ATP8A2: variants seen among roughly 807,000 people sequenced by gnomAD.
The protein encoded by ATP8A2 is phospholipid-transporting ATPase IB.
Under a neutral mutation model 165.6 loss-of-function variants are expected in ATP8A2, and 100 were observed. The ratio of observed to expected loss-of-function variants is 0.60; its 90% CI spans 0.51 to 0.71. The LOEUF is 0.71. ATP8A2 is among the 30% of genes least tolerant of loss of function. The pLI is 0.00. For missense variants in ATP8A2, 1,227 were observed against 1,479.5 expected, an observed-to-expected ratio of 0.83 and a Z score of 2.80; for synonymous variants, 543 against 548.8, an observed-to-expected ratio of 0.99 and a Z score of 0.15.
chr13:25,870,635 C>T (rs1952648454), intron 33 of ATP8A2, among the ~76,000 whole-genome samples: 1 of 152,234 alleles, frequency 6.6e-6, no homozygotes, highest in African/African-American at 2.4e-5. Context: ...GGATCAGTCT[C>T]TTGACCAGGC....
intron 1 of ATP8A2, among the ~76,000 whole-genome samples, chr13:25,422,263 G>T (rs1263955789): frequency 6.6e-6 from 1 of 152,180 alleles, no homozygotes; most frequent in Non-Finnish European, 1.5e-5. Context: ...ATTGATCTTA[G>T]TAATATATTT....
intron 16 of ATP8A2, among the ~76,000 whole-genome samples, chr13:25,568,227 C>T (rs571676873): frequency 6.6e-6 from 1 of 152,296 alleles, no homozygotes; most frequent in African/African-American, 2.4e-5. Flanking sequence ...ATGCAACCCC[C>T]TGCTTACATT....
intron 30 of ATP8A2, among the ~76,000 whole-genome samples, chr13:25,840,397 C>T (rs1951724669): frequency 6.6e-6 from 1 of 152,172 alleles, no homozygotes; most frequent in South Asian, 2.1e-4. Context: ...GTCTTTGTTT[C>T]TGTGTCAGTG....
intron 1 of ATP8A2, among the ~76,000 whole-genome samples, chr13:25,439,157 C>T (rs2034861265): frequency 1.3e-5 from 2 of 152,308 alleles, no homozygotes; most frequent in African/African-American, 2.4e-5. Flanking sequence ...GAAAACGTAG[C>T]GACAGCCTGC....
chr13:25,511,251 A>G (rs1377251804), intron 2 of ATP8A2, among the ~76,000 whole-genome samples: 1 of 151,958 alleles, frequency 6.6e-6, no homozygotes, highest in Admixed American at 6.6e-5. Flanking sequence ...TTTAATTTTT[A>G]TCTTTTCCAT....
intron 24 of ATP8A2, among the ~76,000 whole-genome samples, chr13:25,591,873 G>A (rs2040090300): frequency 6.6e-6 from 1 of 152,158 alleles, no homozygotes; most frequent in African/African-American, 2.4e-5. Context: ...TTGAGATCCT[G>A]CTTCTAATTT....
intron 33 of ATP8A2, among the ~76,000 whole-genome samples, chr13:25,883,944 A>G (rs1469293465): frequency 1.3e-5 from 2 of 152,186 alleles, no homozygotes; most frequent in East Asian, 3.9e-4. Context: ...GCTGAGAATG[A>G]CAGGAAGCAG....
In ATP8A2 at chr13:25,802,742, T is replaced by C. The variant is rs150781195; in HGVS notation, c.2680-25376T>C. ...AAAAGTCAACCTCCCACCTAACACGTTGAAACTCCTGTGGTTGTGAAAGAA... is the reference window on the plus strand; with the variant it reads ...AAAAGTCAACCTCCCACCTAACACGCTGAAACTCCTGTGGTTGTGAAAGAA... On this transcript the variant is annotated intron_variant, in intron 27 of 36. Coordinates refer to ENST00000381655, the MANE Select transcript of ATP8A2 (RefSeq NM_016529.6). Among the ~76,000 whole-genome samples, 23 of 152,222 alleles carry C rather than the reference T, an allele frequency of 1.5e-4. No homozygotes were observed. In the East Asian group the frequency reaches 2.9e-3, roughly 19 times the overall value.
intron 1 of ATP8A2, among the ~76,000 whole-genome samples, chr13:25,374,801 G>T (rs1417294752): frequency 6.6e-6 from 1 of 152,092 alleles, no homozygotes; most frequent in East Asian, 1.9e-4. Context: ...GGAAACAGGG[G>T]CAGAGGGCCT....
intron 27 of ATP8A2, among the ~76,000 whole-genome samples, chr13:25,818,898 G>T (rs1369860251): frequency 6.6e-6 from 1 of 152,180 alleles, no homozygotes; most frequent in Non-Finnish European, 1.5e-5. Context: ...ACAGAATGTG[G>T]CAAGCTCGAA....
At chr13:25,487,148 A>G (rs907180984) in intron 2 of ATP8A2, among the ~76,000 whole-genome samples, 5 of 152,086 alleles carry the variant, frequency 3.3e-5, no homozygotes, top group Admixed American at 6.5e-5. Flanking sequence ...CTCAAATACA[A>G]TTTTGCGGAG....
At chr13:25,970,367 T>C (rs892589304) in intron 35 of ATP8A2, among the ~76,000 whole-genome samples, 4 of 152,210 alleles carry the variant, frequency 2.6e-5, no homozygotes, top group African/African-American at 4.8e-5. Context: ...ATGTTGGAGA[T>C]GGATGAACAA....
intron 1 of ATP8A2, among the ~76,000 whole-genome samples, chr13:25,383,008 G>A (rs1304224980): frequency 1.3e-5 from 2 of 150,598 alleles, no homozygotes; most frequent in African/African-American, 4.9e-5. Context: ...GCCCACCTTG[G>A]CCTCCCAAAG....
In ATP8A2 at chr13:25,471,348, G is replaced by A. The variant is rs533037918; in HGVS notation, c.221+2227G>A. Among the ~76,000 whole-genome samples the A allele has an allele frequency of 5.1e-4, 77 of 150,052 alleles. 1 individual carries two copies. In the South Asian group the frequency reaches 0.016, roughly 31 times the overall value. Reference sequence around the variant, plus strand: ...CTAAATTCTTTTGTTTTAATGGAAGGTAAAGTTTTTTTTTTTTTTGGAGAT... The same window carrying A: ...CTAAATTCTTTTGTTTTAATGGAAGATAAAGTTTTTTTTTTTTTTGGAGAT... On this transcript the variant is annotated intron_variant, in intron 2 of 36. Coordinates refer to ENST00000381655, the MANE Select transcript of ATP8A2 (RefSeq NM_016529.6).
intron 24 of ATP8A2, among the ~76,000 whole-genome samples, chr13:25,629,423 T>C (rs1461533673): frequency 6.6e-6 from 1 of 152,170 alleles, no homozygotes; most frequent in Non-Finnish European, 1.5e-5. Context: ...AATTAATGAT[T>C]TTCCTTTTAA....
chr13:25,388,348 C>T (rs1225465981), intron 1 of ATP8A2, among the ~76,000 whole-genome samples: 3 of 152,262 alleles, frequency 2.0e-5, no homozygotes, highest in African/African-American at 4.8e-5. Context: ...GACAAAACCC[C>T]TCAGACACTG....
intron 30 of ATP8A2, among the ~76,000 whole-genome samples, chr13:25,854,372 G>C (rs1181926672): frequency 1.3e-5 from 2 of 152,162 alleles, no homozygotes; most frequent in Non-Finnish European, 2.9e-5. Context: ...GTCTTGCTCT[G>C]TCACCCAGGC....
At chr13:25,768,103 G>C (rs2044534750) in intron 25 of ATP8A2, among the ~76,000 whole-genome samples, 2 of 150,942 alleles carry the variant, frequency 1.3e-5, no homozygotes, top group Non-Finnish European at 2.9e-5. Context: ...GGGGGCAAGT[G>C]CTGTTTAAGT....
rs114521504 is a variant in ATP8A2 at position 25,871,432 on chromosome 13, G to A, written c.3183+9024G>A. Among the ~76,000 whole-genome samples, 911 of 152,242 alleles carry A rather than the reference G, an allele frequency of 6.0e-3. 9 individuals carry two copies. Among genetic ancestry groups the A allele is most frequent in the African/African-American group, 0.02 (820 of 41,534 alleles). The stretch of plus-strand genomic sequence containing the variant: ...ATCACAGTTCCCCCACCCAGAGATG[G>A]CAGGGATCTTCAGGTTTATCCAATT... On this transcript the variant is annotated intron_variant, in intron 33 of 36. Coordinates refer to ENST00000381655, the MANE Select transcript of ATP8A2 (RefSeq NM_016529.6).
Sources: allele counts gnomAD v4.1 joint callset (sites outside exome capture counted in the v4.1 genomes callset), GRCh38; gene constraint gnomAD v4.1.1; transcripts MANE v1.5; gene names NCBI Gene and HGNC (gene_info 2026-07-23, HGNC 2026-07-21).